Variants in RHOBTB2 observed in about 807,000 individuals in gnomAD.
RHOBTB2 encodes rho-related BTB domain-containing protein 2.
Under a neutral mutation model 66.5 loss-of-function variants are expected in RHOBTB2, and 39 were observed. The ratio of observed to expected loss-of-function variants is 0.59; its 90% CI spans 0.45 to 0.77. The LOEUF is 0.77. RHOBTB2 is among the 30% of genes least tolerant of loss of function. The probability of loss-of-function intolerance (pLI) is 0.00; values close to 1 mark genes in which losing one functional copy is unlikely to be tolerated. For missense variants in RHOBTB2, 755 were observed against 999.1 expected, an observed-to-expected ratio of 0.76 and a Z score of 3.29; for synonymous variants, 390 against 395.0, an observed-to-expected ratio of 0.99 and a Z score of 0.15.
chr8:23,005,143 G>A, intron 2 of RHOBTB2, among the ~76,000 whole-genome samples: 1 of 152,010 alleles, frequency 6.6e-6, no homozygotes, highest in Non-Finnish European at 1.5e-5. Context: ...ACCTGCTTAG[G>A]GTCTCTTCCA....
chr8:22,981,831 AG>A, the RHOBTB2 span, among the ~76,000 whole-genome samples: 1 of 152,330 alleles, frequency 6.6e-6, no homozygotes, highest in South Asian at 2.1e-4. Flanking sequence ...TTAGGGTCTC[AG>A]CCTGGCCCTG....
At chr8:22,965,851 G>C in the RHOBTB2 span, among the ~76,000 whole-genome samples, 3 of 152,262 alleles carry the variant, frequency 2.0e-5, no homozygotes, top group South Asian at 6.2e-4. Context: ...AAAGCTTTAT[G>C]GCACTGGATT....
chr8:22,966,668 C>T, the RHOBTB2 span, among the ~76,000 whole-genome samples: 2 of 151,792 alleles, frequency 1.3e-5, no homozygotes, highest in Non-Finnish European at 2.9e-5. Flanking sequence ...CAACAATGCT[C>T]AATATTATTA....
chr8:22,988,598 C>T (rs1490767611), intron 1 of RHOBTB2, among the ~76,000 whole-genome samples: 1 of 152,174 alleles, frequency 6.6e-6, no homozygotes, highest in African/African-American at 2.4e-5. Flanking sequence ...CCCTAATCCT[C>T]TCCCTCTCTT....
chr8:23,014,736 G>A lies in RHOBTB2; in HGVS notation c.1818G>A (p.Val606=). Residue 606 remains valine, a synonymous_variant, in exon 8 of 10, where the codon GTG becomes GTA. Transcript: ENST00000251822. ...TGLMEATQMM[V]DIDGDVLVFL... The stretch of plus-strand genomic sequence containing the variant: ...TGATGGAAGCGACCCAGATGATGGT[G>A]GACATCGATGGGGACGTCCTTGTGT... The A allele has an allele frequency of 6.2e-7, 1 of 1,614,158 alleles. No individual in the cohort carries two copies. Among genetic ancestry groups the A allele is most frequent in the Non-Finnish European group, 8.5e-7 (1 of 1,179,990 alleles).
intron 3 of RHOBTB2, among the ~76,000 whole-genome samples, chr8:23,005,691 A>G (rs959222729): frequency 2.0e-5 from 3 of 152,192 alleles, no homozygotes; most frequent in Non-Finnish European, 4.4e-5. Flanking sequence ...CTCTGTGCCT[A>G]GTAGCTCTGA....
In RHOBTB2 at chr8:23,010,568, A is replaced by G. The variant is rs1240749961; in HGVS notation, c.1651A>G (p.Met551Val). ...GTTTCCCTACACAAGCAAGAGCTGC[A>G]TGCGGGCCGTGCTGGAATACCTCTA... ...VVFPYTSKSC[M>V]RAVLEYLYTG... The change falls in exon 7 of 10, where the codon ATG becomes GTG. Residue 551 changes from methionine to valine, a missense_variant. Physicochemically the swap from Met to Val is conservative, Grantham distance 21. Transcript: ENST00000251822. 6.2e-7 allele frequency: 1 copy of G among 1,614,022 alleles called. No individual in the cohort carries two copies. The highest frequency in any genetic ancestry group is 1.1e-5 in the South Asian group (1 of 91,086).
the RHOBTB2 span, among the ~76,000 whole-genome samples, chr8:22,955,455 T>A: frequency 1.3e-5 from 2 of 152,148 alleles, no homozygotes; most frequent in Non-Finnish European, 2.9e-5. Flanking sequence ...TAGACCAATG[T>A]ACAGACTTTA....
the RHOBTB2 span, among the ~76,000 whole-genome samples, chr8:22,981,969 C>G: frequency 6.6e-5 from 10 of 152,310 alleles, no homozygotes; most frequent in East Asian, 5.8e-4. Flanking sequence ...TACCAGGCGC[C>G]CCTACCAGGA....
In RHOBTB2 at chr8:23,015,692, T is replaced by A. The variant is rs1296300776; in HGVS notation, c.1915T>A (p.Tyr639Asn). 6.2e-7 allele frequency: 1 copy of A among 1,614,020 alleles called. No individual in the cohort carries two copies. Among genetic ancestry groups the A allele is most frequent in the Admixed American group, 1.7e-5 (1 of 60,020 alleles). The change falls in exon 9 of 10, where the codon TAC (tyrosine) becomes AAC (asparagine). Residue 639 changes from tyrosine (Y) to asparagine (N), a missense_variant. Physicochemically the swap from Tyr to Asn is moderately radical, Grantham distance 143. This residue lies in a region of RHOBTB2 where 353 missense variants were observed against 458.2 expected (regional missense o/e 0.77). Coordinates refer to ENST00000251822, the MANE Select transcript of RHOBTB2 (RefSeq NM_015178.3). ...GTGTCTCCACCACATCTGCACCAAC[T>A]ACAACAACGTGTGCCGCAAGTTCCC... ...DWCLHHICTNYNNVCRKFPRD... is the reference protein window; with the variant it reads ...DWCLHHICTNNNNVCRKFPRD...
intron 7 of RHOBTB2, among the ~76,000 whole-genome samples, chr8:23,013,191 C>T (rs1360018712): frequency 3.3e-5 from 5 of 152,048 alleles, no homozygotes; most frequent in African/African-American, 1.2e-4. Context: ...ATCTCGGCTT[C>T]CCAAAGTGCT....
chr8:23,010,762 T>C, intron 7 of RHOBTB2, 74 bp downstream of exon 7: 1 of 1,501,744 alleles, frequency 6.7e-7, no homozygotes, highest in Non-Finnish European at 9.1e-7. Context: ...TGTTCTCCTC[T>C]CACGTCTCTC....
chr8:23,010,706 T>C lies in RHOBTB2; in HGVS notation c.1771+18T>C. 1 of 1,612,936 alleles carries C rather than the reference T, an allele frequency of 6.2e-7. No individual in the cohort carries two copies. Among genetic ancestry groups the C allele is most frequent in the Non-Finnish European group, 8.5e-7 (1 of 1,179,234 alleles). On this transcript the variant is annotated intron_variant, in intron 7 of 9. Transcript: ENST00000251822. ...CCTCACAGGTAACTAAGCAGTGCACTCGGGGACCTCCCCGCGGCAGAGGCC... is the reference window on the plus strand; with the variant it reads ...CCTCACAGGTAACTAAGCAGTGCACCCGGGGACCTCCCCGCGGCAGAGGCC...
chr8:22,994,679 A>C, upstream of RHOBTB2: 1 of 1,492,778 alleles, frequency 6.7e-7, no homozygotes, highest in Non-Finnish European at 9.1e-7. Context: ...CTTCCCAAAC[A>C]TTGATTCATC....
Position 23,007,033 on chromosome 8 carries a change from C to T in RHOBTB2, c.788C>T (p.Pro263Leu), listed in dbSNP as rs143278893. ...EECPAHLLED[P>L]LCADVILVLQ... is the part of the protein sequence containing the mutation. ...TGCCCCGCCCACCTCCTGGAGGACC[C>T]GCTCTGCGCGGACGTCATCCTGGTG... is the stretch of plus-strand genomic sequence containing the variant. The change falls in exon 5 of 10, where the codon CCG becomes CTG. Residue 263 changes from proline to leucine, a missense_variant. Coordinates refer to ENST00000251822, the MANE Select transcript of RHOBTB2 (RefSeq NM_015178.3). The T allele has an allele frequency of 7.3e-5, 118 of 1,608,738 alleles. No homozygotes were observed. The highest frequency in any genetic ancestry group is 3.3e-4 in the Middle Eastern group (2 of 6,052).
the RHOBTB2 span, among the ~76,000 whole-genome samples, chr8:22,961,846 G>A: frequency 6.6e-6 from 1 of 152,160 alleles, no homozygotes; most frequent in African/African-American, 2.4e-5. Flanking sequence ...ACAAATGCAA[G>A]TGAAAGAGGG....
intron 7 of RHOBTB2, among the ~76,000 whole-genome samples, chr8:23,013,013 G>T (rs1184620234): frequency 6.6e-6 from 1 of 151,734 alleles, no homozygotes. Flanking sequence ...TGGCCAGGCT[G>T]GTCTTGAACT....
the RHOBTB2 span, among the ~76,000 whole-genome samples, chr8:22,973,426 C>T: frequency 1.6e-3 from 248 of 152,080 alleles, 1 homozygote; most frequent in African/African-American, 5.7e-3. Flanking sequence ...GATGGGGTCT[C>T]CTGGGCTATG....
chr8:22,994,925 C>A (rs184870146), upstream of RHOBTB2, among the ~76,000 whole-genome samples: 1 of 152,110 alleles, frequency 6.6e-6, no homozygotes, highest in African/African-American at 2.4e-5. Context: ...GCCACCACGC[C>A]CAGCTAATTT....
Sources: allele counts gnomAD v4.1 joint callset (sites outside exome capture counted in the v4.1 genomes callset), GRCh38; gene constraint gnomAD v4.1.1; regional missense constraint gnomAD v4.1.1; transcripts MANE v1.5; gene names NCBI Gene and HGNC (gene_info 2026-07-23, HGNC 2026-07-21).